The following YTHDC2 variants were observed in gnomAD, a reference collection of about 807,000 sequenced individuals.
YTHDC2 encodes the protein 3'-5' RNA helicase YTHDC2.
A neutral mutation model predicts 174.9 loss-of-function variants in YTHDC2; 45 were observed. The ratio of observed to expected loss-of-function variants is 0.26; its 90% CI spans 0.20 to 0.33. The LOEUF is 0.33. Ranked by LOEUF, YTHDC2 falls within the 10% of genes least tolerant of loss-of-function variation. YTHDC2 has a pLI of 1.00. For missense variants in YTHDC2, 1,650 were observed against 1,723.7 expected (o/e 0.96, Z 0.76); for synonymous variants, 657 against 574.5 (o/e 1.14, Z -2.05).
intron 10 of YTHDC2, among the ~76,000 whole-genome samples, chr5:113,543,271 C>T (rs1318973705): frequency 5.9e-5 from 9 of 152,188 alleles, no homozygotes; most frequent in Admixed American, 3.3e-4. Context: ...TACGTACCTT[C>T]CTCTCAACCT....
At chr5:113,567,942 T>G in intron 23 of YTHDC2, 93 bp downstream of exon 23, 2 of 991,496 alleles carry the variant, frequency 2.0e-6, no homozygotes, top group Non-Finnish European at 1.4e-6. Context: ...ATAATGAAAT[T>G]ATAAAGATTT....
chr5:113,541,468 G>A (rs1775461388), intron 9 of YTHDC2, among the ~76,000 whole-genome samples: 1 of 152,132 alleles, frequency 6.6e-6, no homozygotes, highest in African/African-American at 2.4e-5. Context: ...TGGGATTACA[G>A]GAGTGAGCCA....
chr5:113,574,038 G>A (rs2112764042), intron 23 of YTHDC2, among the ~76,000 whole-genome samples: 1 of 152,270 alleles, frequency 6.6e-6, no homozygotes, highest in South Asian at 2.1e-4. Context: ...AGGAGAAGAG[G>A]CACTCTGGCT....
In YTHDC2 at chr5:113,534,343, G is replaced by A; in HGVS notation, c.881G>A (p.Gly294Glu). 6.2e-7 allele frequency: 1 copy of A among 1,612,524 alleles called. No individual in the cohort carries two copies. The highest frequency in any genetic ancestry group is 8.5e-7 in the Non-Finnish European group (1 of 1,179,012). ...ACACTTCTGACATTTTGTACTAATG[G>A]GGTATTGCTTCGTACATTGATGGCA... ...PKTLLTFCTNGVLLRTLMAGD... is the reference protein window; with the variant it reads ...PKTLLTFCTNEVLLRTLMAGD... The change falls in exon 6 of 30, where the codon GGG becomes GAG. Residue 294 changes from glycine (G) to glutamate (E), a missense_variant. By Grantham distance (98) the Gly-to-Glu change is moderately conservative. Around this residue, in one of 5 missense-constraint regions of YTHDC2, gnomAD observed 411 missense variants for 380.6 expected, o/e 1.08. Coordinates refer to ENST00000161863, the MANE Select transcript of YTHDC2 (RefSeq NM_022828.5).
chr5:113,548,785 T>C (rs1410682687), intron 11 of YTHDC2, 118 bp downstream of exon 11: 1 of 1,219,494 alleles, frequency 8.2e-7, no homozygotes. Flanking sequence ...CTGGTGAATT[T>C]CTGTTTTAAT....
intron 4 of YTHDC2, 39 bp downstream of exon 4, chr5:113,526,824 A>AT (rs1412273268): frequency 1.9e-3 from 562 of 289,718 alleles, no homozygotes; most frequent in East Asian, 3.6e-3. Context: ...AAAAAAAAAA[A>AT]AAATATATAT....
Position 113,548,976 on chromosome 5 carries a change from A to T in YTHDC2, c.1644A>T (p.Lys548Asn). 1 of 1,613,128 alleles carries T rather than the reference A, an allele frequency of 6.2e-7. No individual in the cohort carries two copies. The highest frequency in any genetic ancestry group is 8.5e-7 in the Non-Finnish European group (1 of 1,179,480). The change falls in exon 12 of 30, where the codon AAA becomes AAT. Residue 548 changes from lysine to asparagine, a missense_variant. This residue lies in a region of YTHDC2 where 411 missense variants were observed against 380.6 expected (regional missense o/e 1.08). Coordinates refer to ENST00000161863, the MANE Select transcript of YTHDC2 (RefSeq NM_022828.5). The stretch of plus-strand genomic sequence containing the variant: ...GCAGGATGGCATTGGATTGGGCTAA[A>T]CACTTTGGGCAGACTGAAATTGTGG... ...SNGWMALDWA[K>N]HFGQTEIVDL...
chr5:113,552,425 A>G, intron 12 of YTHDC2, among the ~76,000 whole-genome samples: 1 of 152,098 alleles, frequency 6.6e-6, no homozygotes, highest in East Asian at 1.9e-4. Context: ...TGGACATTTT[A>G]TATAAATGAA....
intron 24 of YTHDC2, among the ~76,000 whole-genome samples, chr5:113,580,088 G>T (rs970004499): frequency 6.6e-6 from 1 of 152,068 alleles, no homozygotes; most frequent in African/African-American, 2.4e-5. Flanking sequence ...ATGGCAAAAG[G>T]CAGTAGGGCA....
chr5:113,567,193 A>G lies in YTHDC2; in HGVS notation c.2944A>G (p.Asn982Asp), dbSNP rs1464578738. 1 of 1,613,802 alleles carries G rather than the reference A, an allele frequency of 6.2e-7. No individual in the cohort carries two copies. Among genetic ancestry groups the G allele is most frequent in the Non-Finnish European group, 8.5e-7 (1 of 1,179,898 alleles). Reference protein sequence around the residue: ...KAALVAGMYPNLVHVDRENLV... With the variant: ...KAALVAGMYPDLVHVDRENLV... Reference sequence around the variant, plus strand: ...TGCATTGGTGGCAGGCATGTATCCTAATTTAGTCCACGTGGACAGAGAGAA... The same window carrying G: ...TGCATTGGTGGCAGGCATGTATCCTGATTTAGTCCACGTGGACAGAGAGAA... Residue 982 changes from asparagine to aspartate, a missense_variant, in exon 22 of 30, where the codon AAT becomes GAT. Coordinates refer to ENST00000161863, the MANE Select transcript of YTHDC2 (RefSeq NM_022828.5).
intron 24 of YTHDC2, chr5:113,579,916 G>A (rs1236915532): frequency 1.0e-6 from 1 of 985,114 alleles, no homozygotes; most frequent in Non-Finnish European, 1.2e-6. Flanking sequence ...TTTAAGCAAG[G>A]TAATTGTCTT....
chr5:113,575,400 A>G (rs374590891), intron 23 of YTHDC2, among the ~76,000 whole-genome samples: 2 of 152,228 alleles, frequency 1.3e-5, no homozygotes, highest in East Asian at 3.9e-4. Context: ...AATAATCTGC[A>G]TGATACTATT....
At chr5:113,584,501 T>C (rs1201294573) in intron 26 of YTHDC2, 22 bp downstream of exon 26, 2 of 1,576,584 alleles carry the variant, frequency 1.3e-6, no homozygotes, top group African/African-American at 1.4e-5. Flanking sequence ...TGAAAGAAAA[T>C]GTAGTAAGGA....
intron 18 of YTHDC2, among the ~76,000 whole-genome samples, chr5:113,561,776 T>A (rs1331372482): frequency 6.6e-6 from 1 of 152,148 alleles, no homozygotes; most frequent in African/African-American, 2.4e-5. Flanking sequence ...CATATTTTTT[T>A]AAATGCAGCA....
chr5:113,545,437 G>A (rs1775802696), intron 10 of YTHDC2, among the ~76,000 whole-genome samples: 1 of 152,016 alleles, frequency 6.6e-6, no homozygotes, highest in African/African-American at 2.4e-5. Context: ...AGGCTGGAGT[G>A]CAGTGGTGCT....
rs567198830 is a variant in YTHDC2 at position 113,532,669 on chromosome 5, T to C, written c.676-210T>C. ...AAATATTCCTGGATATATTTGATTT[T>C]AGATATTTTAGCTTTAGTTTCTATT... On this transcript the variant is annotated intron_variant, in intron 4 of 29. Transcript: ENST00000161863. Among the ~76,000 whole-genome samples the C allele has an allele frequency of 6.1e-4, 93 of 152,334 alleles. 2 individuals carry two copies. In the South Asian group the frequency reaches 0.019, roughly 32 times the overall value.
chr5:113,524,811 T>G (rs1774103609), intron 2 of YTHDC2, among the ~76,000 whole-genome samples, 170 bp from the exon 3 acceptor site: 1 of 152,120 alleles, frequency 6.6e-6, no homozygotes, highest in Non-Finnish European at 1.5e-5. Context: ...TTATGGCCAC[T>G]TTAGCCCAAA....
At chr5:113,579,719 A>G (rs1778281080) in intron 24 of YTHDC2, 24 bp downstream of exon 24, 3 of 1,572,920 alleles carry the variant, frequency 1.9e-6, no homozygotes, top group Non-Finnish European at 2.6e-6. Context: ...AAGTAGTGTA[A>G]TAAATTTCTT....
At chr5:113,572,439 C>G (rs62373767) in intron 23 of YTHDC2, among the ~76,000 whole-genome samples, 5,077 of 152,316 alleles carry the variant, frequency 0.033, 123 homozygotes, top group Non-Finnish European at 0.052. Flanking sequence ...AATGTATATT[C>G]TCTTGTTTTT....
Sources: allele counts gnomAD v4.1 joint callset (sites outside exome capture counted in the v4.1 genomes callset), GRCh38; gene constraint gnomAD v4.1.1; regional missense constraint gnomAD v4.1.1; transcripts MANE v1.5; gene names NCBI Gene and HGNC (gene_info 2026-07-23, HGNC 2026-07-21).